MTMR3: variants seen among roughly 807,000 people sequenced by gnomAD.
MTMR3 encodes myotubularin related protein 3, also known as phosphatidylinositol-3,5-bisphosphate 3-phosphatase MTMR3.
In MTMR3, 32 loss-of-function variants were observed where a neutral mutation model predicts 132.4. The observed-to-expected ratio is 0.24, with a 90% confidence interval of 0.18 to 0.32. The LOEUF is 0.32. MTMR3 is among the 10% of genes least tolerant of loss of function. The pLI is 1.00. For synonymous variants in MTMR3, 556 were observed against 550.3 expected (o/e 1.01, Z -0.14); for missense variants, 1,216 against 1,489.6 (o/e 0.82, Z 3.02).
At chr22:29,931,514 A>G (rs1363659217) in intron 1 of MTMR3, among the ~76,000 whole-genome samples, 1 of 152,208 alleles carries the variant, frequency 6.6e-6, no homozygotes, top group African/African-American at 2.4e-5. Context: ...TCCTGGGTTC[A>G]AGCGATTCTT....
At chr22:29,988,340 T>C (rs970417621) in intron 5 of MTMR3, 140 bp from the exon 6 acceptor site, 24 of 502,748 alleles carry the variant, frequency 4.8e-5, no homozygotes, top group Admixed American at 4.5e-4. Context: ...ACTTGAGTAC[T>C]GTTGATCCAG....
intron 15 of MTMR3, 174 bp from the exon 16 acceptor site, chr22:30,017,753 G>GTCC (rs2067632411): frequency 1.5e-6 from 1 of 671,138 alleles, no homozygotes; most frequent in Non-Finnish European, 2.5e-6. Context: ...AAAATGTCTA[G>GTCC]TCCTGTATTG....
At position 29,897,153 on chromosome 22, in the gene MTMR3, C is replaced by T. The variant is rs181687838; in HGVS notation, c.-138+13794C>T. Among the ~76,000 whole-genome samples the T allele has an allele frequency of 3.8e-3, 580 of 151,482 alleles. 3 individuals carry two copies. The highest frequency in any genetic ancestry group is 6.7e-3 in the Non-Finnish European group (453 of 67,950). On this transcript the variant is annotated intron_variant, in intron 1 of 19. Coordinates refer to ENST00000401950, the MANE Select transcript of MTMR3 (RefSeq NM_021090.4). ...GGAGTGCAGTGGTGGAATTGGCTCACTGTAACCTCTGCCTCCTGGGTTCAA... is the reference window on the plus strand; with the variant it reads ...GGAGTGCAGTGGTGGAATTGGCTCATTGTAACCTCTGCCTCCTGGGTTCAA...
Position 30,018,038 on chromosome 22 carries a change from C to T in MTMR3, c.1786C>T (p.Pro596Ser). ...VDDSCAPYPA[P>S]GTSPDDPPLS... Reference sequence around the variant, plus strand: ...CGACAGCTGTGCACCATACCCAGCCCCAGGCACCAGCCCTGATGATCCCCC... The same window carrying T: ...CGACAGCTGTGCACCATACCCAGCCTCAGGCACCAGCCCTGATGATCCCCC... Residue 596 changes from proline to serine, a missense_variant, in exon 16 of 20, where the codon CCA becomes TCA. This residue lies in a region of MTMR3 where 852 missense variants were observed against 852.0 expected (regional missense o/e 1.00). Coordinates refer to ENST00000401950, the MANE Select transcript of MTMR3 (RefSeq NM_021090.4). The T allele has an allele frequency of 1.2e-6, 2 of 1,612,610 alleles. No homozygotes were observed. Among genetic ancestry groups the T allele is most frequent in the Non-Finnish European group, 1.7e-6 (2 of 1,179,552 alleles).
chr22:29,888,751 T>C (rs2064728887), intron 1 of MTMR3, among the ~76,000 whole-genome samples: 1 of 150,358 alleles, frequency 6.7e-6, no homozygotes, highest in African/African-American at 2.4e-5. Context: ...GAAATCTAAT[T>C]TCTTTATTAG....
intron 3 of MTMR3, among the ~76,000 whole-genome samples, chr22:29,972,195 G>A (rs2066549736): frequency 2.0e-5 from 3 of 152,156 alleles, no homozygotes; most frequent in Admixed American, 2.0e-4. Context: ...TTCCCACAGA[G>A]TTTTCAATGA....
intron 1 of MTMR3, among the ~76,000 whole-genome samples, chr22:29,918,124 G>A (rs1322599232): frequency 6.6e-6 from 1 of 152,168 alleles, no homozygotes; most frequent in Non-Finnish European, 1.5e-5. Context: ...GTGAGTTTAA[G>A]TGTTTAATTT....
intron 5 of MTMR3, chr22:29,984,768 G>A (rs1292892419): frequency 6.6e-6 from 1 of 152,188 alleles, no homozygotes; most frequent in African/African-American, 2.4e-5. Flanking sequence ...TGCATCTGAG[G>A]AGTTTTGATT....
intron 2 of MTMR3, among the ~76,000 whole-genome samples, 172 bp downstream of exon 2, chr22:29,957,260 A>ATTTTTTTTTTTT (rs148686689): frequency 1.4e-5 from 2 of 144,634 alleles, no homozygotes; most frequent in Non-Finnish European, 1.5e-5. Flanking sequence ...CTTACATGTG[A>ATTTTTTTTTTTT]TTATTTTTTT....
Position 30,002,955 on chromosome 22 carries a change from T to C in MTMR3, c.633T>C (p.Ser211=). Residue 211 remains serine, a synonymous_variant, in exon 9 of 20, where the codon AGT becomes AGC. Transcript: ENST00000401950. Reference sequence around the variant, plus strand: ...ACAAAGAACTGGAAAGTGTATCAAGTTTCAGGTCCTGGAAGCGCATCCCTG... The same window carrying C: ...ACAAAGAACTGGAAAGTGTATCAAGCTTCAGGTCCTGGAAGCGCATCCCTG... The part of the protein sequence containing the change: ...ITDKELESVS[S]FRSWKRIPAV... The C allele has an allele frequency of 6.2e-7, 1 of 1,614,034 alleles. No homozygotes were observed. Among genetic ancestry groups the C allele is most frequent in the Non-Finnish European group, 8.5e-7 (1 of 1,179,932 alleles).
intron 2 of MTMR3, among the ~76,000 whole-genome samples, chr22:29,962,528 G>A (rs990532783): frequency 4.6e-5 from 7 of 152,160 alleles, no homozygotes; most frequent in Admixed American, 2.0e-4. Context: ...AAAAATAGCC[G>A]GGTGTGGTGG....
Position 30,007,298 on chromosome 22 carries a change from G to C in MTMR3, c.856G>C (p.Asp286His). 1.2e-6 allele frequency: 2 copies of C among 1,614,160 alleles called. No individual in the cohort carries two copies. The highest frequency in any genetic ancestry group is 1.7e-6 in the Non-Finnish European group (2 of 1,180,034). Residue 286 changes from aspartate to histidine, a missense_variant, in exon 10 of 20, where the codon GAC (aspartate) becomes CAC (histidine). Around this residue, in one of 7 missense-constraint regions of MTMR3, gnomAD observed 47 missense variants for 46.8 expected, o/e 1.00. Coordinates refer to ENST00000401950, the MANE Select transcript of MTMR3 (RefSeq NM_021090.4). ...NTSRDFPNGG[D>H]LSDVEFDSSL... ...TTCTCGAGACTTTCCCAATGGGGGA[G>C]ACCTTTCTGACGTGGAGTTCGGTAA...
intron 1 of MTMR3, among the ~76,000 whole-genome samples, chr22:29,888,076 G>A (rs1029393555): frequency 1.6e-4 from 25 of 151,772 alleles, no homozygotes; most frequent in African/African-American, 5.8e-4. Flanking sequence ...AGAGTGCAGT[G>A]GCACGATCTC....
chr22:29,889,946 G>A (rs1240964417), intron 1 of MTMR3, among the ~76,000 whole-genome samples: 19 of 127,684 alleles, frequency 1.5e-4, no homozygotes, highest in South Asian at 7.3e-4. Context: ...TCACTTTGTC[G>A]CCCAGGCTGG....
intron 1 of MTMR3, among the ~76,000 whole-genome samples, chr22:29,909,807 A>G (rs2065172837): frequency 6.6e-6 from 1 of 152,220 alleles, no homozygotes; most frequent in African/African-American, 2.4e-5. Context: ...CTTCTTGTTA[A>G]AAACAGAGTA....
At chr22:29,979,474 C>T in intron 5 of MTMR3, 1 of 221,968 alleles carries the variant, frequency 4.5e-6, no homozygotes, top group Non-Finnish European at 8.8e-6. Flanking sequence ...CCTGGGTGAC[C>T]AGAGCAAGAC....
chr22:29,975,529 A>C (rs2066613337), intron 3 of MTMR3, among the ~76,000 whole-genome samples: 1 of 152,250 alleles, frequency 6.6e-6, no homozygotes. Flanking sequence ...TAGTTAAAAA[A>C]AGGAAGAGTA....
chr22:29,935,063 A>C (rs1721544124), intron 1 of MTMR3, among the ~76,000 whole-genome samples: 1 of 152,246 alleles, frequency 6.6e-6, no homozygotes, highest in South Asian at 2.1e-4. Flanking sequence ...TACTTCTGTA[A>C]TGAAGACGTT....
chr22:29,888,867 G>A (rs2064734514), intron 1 of MTMR3, among the ~76,000 whole-genome samples: 1 of 146,546 alleles, frequency 6.8e-6, no homozygotes, highest in African/African-American at 2.5e-5. Flanking sequence ...TCCGCCTCCT[G>A]GGTTCAAGTG....
Sources: allele counts gnomAD v4.1 joint callset (sites outside exome capture counted in the v4.1 genomes callset), GRCh38; gene constraint gnomAD v4.1.1; regional missense constraint gnomAD v4.1.1; transcripts MANE v1.5; gene names NCBI Gene and HGNC (gene_info 2026-07-23, HGNC 2026-07-21).